The following SEC24D variants were observed in gnomAD, a reference collection of about 807,000 sequenced individuals.
The protein encoded by SEC24D is protein transport protein Sec24D.
In SEC24D, 69 loss-of-function variants were observed where a neutral mutation model predicts 116.9. The ratio of observed to expected loss-of-function variants is 0.59; its 90% confidence interval spans 0.49 to 0.72. The LOEUF (loss-of-function observed/expected upper bound fraction) is 0.72. SEC24D is among the 30% of genes least tolerant of loss of function. The probability of loss-of-function intolerance (pLI) is 0.00; values close to 1 mark genes in which losing one functional copy is unlikely to be tolerated. For missense variants in SEC24D, 1,131 were observed against 1,264.1 expected (o/e 0.89, Z 1.60); for synonymous variants, 405 against 442.8 (o/e 0.91, Z 1.07).
intron 20 of SEC24D, 79 bp downstream of exon 20, chr4:118,732,654 A>G (rs1725749932): frequency 7.6e-7 from 1 of 1,311,964 alleles, no homozygotes; most frequent in Non-Finnish European, 1.1e-6. Flanking sequence ...AACATATTTC[A>G]GATATAACAT....
intron 8 of SEC24D, 83 bp from the exon 9 acceptor site, chr4:118,768,394 CTTT>C (rs34595739): frequency 2.6e-3 from 1,511 of 578,980 alleles, no homozygotes; most frequent in East Asian, 3.3e-3. Flanking sequence ...TTTAATGGCA[CTTT>C]TTTTTTTTTT....
At chr4:118,764,260 G>C (rs1472744554) in intron 10 of SEC24D, among the ~76,000 whole-genome samples, 1 of 152,116 alleles carries the variant, frequency 6.6e-6, no homozygotes, top group Non-Finnish European at 1.5e-5. Flanking sequence ...GAGAGGCAGT[G>C]AGTGTGGGGG....
At position 118,835,954 on chromosome 4, in the gene SEC24D, C is replaced by T. The variant is rs549081451; in HGVS notation, c.-55G>A. 6.6e-6 allele frequency: 1 copy of T among 152,380 alleles called. No homozygotes were observed. Among genetic ancestry groups the T allele is most frequent in the African/African-American group, 2.4e-5 (1 of 41,582 alleles). 9.4% of individuals were successfully genotyped at this position (152,380 alleles called of 1,614,324 possible). On this transcript the variant is annotated 5_prime_UTR_variant, in exon 1 of 23. Transcript: ENST00000280551. The stretch of plus-strand genomic sequence containing the variant: ...GGGAGGCTTTACCTGTTCCCGCTCC[C>T]GCACCCCGCGGGCTTCCGAGCGCTG...
chr4:118,741,964 T>C (rs866915050), intron 15 of SEC24D, among the ~76,000 whole-genome samples: 10 of 152,320 alleles, frequency 6.6e-5, no homozygotes, highest in Non-Finnish European at 1.3e-4. Flanking sequence ...AACAACTGAA[T>C]GGCAGCATAG....
At chr4:118,828,291 A>G (rs1269023406) in intron 2 of SEC24D, among the ~76,000 whole-genome samples, 1 of 152,004 alleles carries the variant, frequency 6.6e-6, no homozygotes, top group African/African-American at 2.4e-5. Flanking sequence ...TTGCGTTTTT[A>G]GTAGAGACGG....
At chr4:118,812,577 C>T (rs369777272) in intron 6 of SEC24D, among the ~76,000 whole-genome samples, 11 of 152,138 alleles carry the variant, frequency 7.2e-5, no homozygotes, top group African/African-American at 2.4e-4. Flanking sequence ...CACTGACAGA[C>T]ATGGGAAGAG....
intron 8 of SEC24D, among the ~76,000 whole-genome samples, chr4:118,775,399 G>A (rs921252818): frequency 2.0e-5 from 3 of 150,618 alleles, no homozygotes; most frequent in African/African-American, 4.9e-5. Context: ...TAAAGCCTTC[G>A]CTCAAGGAAG....
At chr4:118,806,043 TC>T (rs1003417734) in intron 6 of SEC24D, 89 bp from the exon 7 acceptor site, 11 of 773,510 alleles carry the variant, frequency 1.4e-5, no homozygotes, top group African/African-American at 1.3e-4. Flanking sequence ...CTCTCCTCCC[TC>T]CTTTTCCCCT....
chr4:118,759,813 A>C (rs555235138), intron 10 of SEC24D, among the ~76,000 whole-genome samples: 1 of 152,166 alleles, frequency 6.6e-6, no homozygotes. Context: ...CAGCACCTCT[A>C]TATAGGCAAC....
chr4:118,768,107 C>A, intron 9 of SEC24D, 66 bp downstream of exon 9: 1 of 1,367,152 alleles, frequency 7.3e-7, no homozygotes. Flanking sequence ...TTCTCCTAAA[C>A]TAAGAAGTAT....
intron 8 of SEC24D, among the ~76,000 whole-genome samples, chr4:118,791,214 G>A (rs1308594300): frequency 1.3e-5 from 2 of 152,040 alleles, no homozygotes; most frequent in Non-Finnish European, 2.9e-5. Flanking sequence ...TTCATTTTTG[G>A]ACACGTTAAG....
chr4:118,731,222 T>C (rs543283885), intron 21 of SEC24D, 94 bp downstream of exon 21: 1 of 1,002,356 alleles, frequency 1.0e-6, no homozygotes, highest in South Asian at 1.4e-5. Context: ...GCCTTATTAT[T>C]TTTCTTTCTG....
intron 15 of SEC24D, 35 bp downstream of exon 15, chr4:118,743,953 T>C (rs1223926455): frequency 6.4e-7 from 1 of 1,552,374 alleles, no homozygotes; most frequent in Non-Finnish European, 8.7e-7. Flanking sequence ...AAAATGGGAG[T>C]AGAAGACCAA....
intron 7 of SEC24D, among the ~76,000 whole-genome samples, chr4:118,798,069 T>C (rs1428706649): frequency 6.6e-6 from 1 of 152,212 alleles, no homozygotes; most frequent in Non-Finnish European, 1.5e-5. Context: ...TAGTTATTAT[T>C]ATTTTCCATA....
At chr4:118,757,452 A>G (rs1307836157) in intron 11 of SEC24D, among the ~76,000 whole-genome samples, 1 of 152,172 alleles carries the variant, frequency 6.6e-6, no homozygotes, top group African/African-American at 2.4e-5. Flanking sequence ...TTCCTACCAC[A>G]CTGTTGGGAT....
intron 18 of SEC24D, 90 bp downstream of exon 18, chr4:118,739,059 T>G: frequency 2.4e-6 from 3 of 1,272,486 alleles, no homozygotes; most frequent in South Asian, 1.2e-5. Context: ...ACCATAAGGT[T>G]GCAAAACTAC....
chr4:118,807,352 G>A (rs1019404785), intron 6 of SEC24D, among the ~76,000 whole-genome samples: 2 of 152,208 alleles, frequency 1.3e-5, no homozygotes, highest in Non-Finnish European at 2.9e-5. Context: ...TTCTAATTGT[G>A]TAGGGGTGAA....
chr4:118,748,715 A>G (rs28533962), intron 13 of SEC24D, among the ~76,000 whole-genome samples: 1,529 of 152,156 alleles, frequency 0.01, 24 homozygotes, highest in African/African-American at 0.035. Flanking sequence ...TTTAATAGAA[A>G]AGACTATCCT....
intron 6 of SEC24D, among the ~76,000 whole-genome samples, chr4:118,812,426 C>T (rs1729958106): frequency 6.6e-6 from 1 of 152,140 alleles, no homozygotes; most frequent in Non-Finnish European, 1.5e-5. Context: ...CGCCATACCC[C>T]CATCCTGGGC....
Sources: gnomAD v4.1 joint callset for allele counts (sites outside exome capture counted in the v4.1 genomes callset) on GRCh38, gnomAD v4.1.1 for gene constraint, MANE v1.5 for transcripts, NCBI Gene and HGNC (gene_info 2026-07-23, HGNC 2026-07-21) for gene names.